Variants in DHRS7 observed in about 807,000 individuals in gnomAD.
DHRS7 encodes the protein dehydrogenase/reductase SDR family member 7.
DHRS7 carries 34 observed loss-of-function variants against 38.9 expected under a neutral mutation model. The observed-to-expected ratio is 0.87, with a 90% CI of 0.66 to 1.16. The LOEUF is 1.16. DHRS7 is among the 50% of genes most tolerant of loss of function. DHRS7 has a pLI of 0.00. For missense variants in DHRS7, 421 were observed against 407.0 expected (o/e 1.03, Z -0.30); for synonymous variants, 158 against 153.1 (o/e 1.03, Z -0.24).
rs551875403 is a variant in DHRS7, at chr14:60,149,262, C to T, written c.972+91G>A. On this transcript the variant is annotated intron_variant, in intron 6 of 6. Coordinates refer to ENST00000557185, the MANE Select transcript of DHRS7 (RefSeq NM_016029.4). ...GGGATTACAGACATGAGCCACTGCA[C>T]CCAGCCAGAAAGTTTTTTAAACACT... 5.5e-6 allele frequency: 7 copies of T among 1,277,154 alleles called. No individual in the cohort carries two copies. The South Asian group carries it at 8.6e-5, about 16-fold the overall frequency. The allele number at this position is 1,277,154 out of a possible 1,614,324, so 79.1% of individuals were successfully genotyped here. A position where few individuals can be genotyped will look rare whatever the true frequency, so the allele number is the denominator to read the frequency against.
rs1896599286 is a variant in DHRS7 at position 60,153,811 on chromosome 14, C to T, written c.393+148G>A. 6.7e-6 allele frequency: 4 copies of T among 599,190 alleles called. No homozygotes were observed. Among genetic ancestry groups the T allele is most frequent in the Non-Finnish European group, 1.2e-5 (4 of 335,524 alleles). The allele number at this position is 599,190 out of a possible 1,614,324, so 37.1% of individuals were successfully genotyped here. A position where few individuals can be genotyped will look rare whatever the true frequency, so the allele number is the denominator to read the frequency against. ...AGTACTAATTCCATAATGACAAAGG[C>T]TCAGAGATTAAGGGGCCCAACTCAT... On this transcript the variant is annotated intron_variant, in intron 3 of 6. Transcript: ENST00000557185. The surrounding 1 kb of genome is among the most constrained non-coding windows in gnomAD (Gnocchi z 4.4).
At position 60,153,190 on chromosome 14, in the gene DHRS7, A is replaced by G. The variant is rs779337723; in HGVS notation, c.394-12T>C. 11 of 1,613,734 alleles carry G rather than the reference A, an allele frequency of 6.8e-6. No individual in the cohort carries two copies. Among genetic ancestry groups the G allele is most frequent in the Admixed American group, 3.3e-5 (2 of 59,922 alleles). ...ACCAGAATGTCGATCTAGTTAAATA[A>G]AATCAGAAAAGGGGTGTTTGGGGGA... On this transcript the variant is annotated splice_polypyrimidine_tract_variant and intron_variant, in intron 3 of 6. Transcript: ENST00000557185. This position sits in a 1 kb window ranked among gnomAD's most constrained non-coding sequence, Gnocchi z 4.4.
rs1896600519 is a variant in DHRS7 at position 60,153,834 on chromosome 14, C to G, written c.393+125G>C. 2 of 706,104 alleles carry G rather than the reference C, an allele frequency of 2.8e-6. No homozygotes were observed. Among genetic ancestry groups the G allele is most frequent in the South Asian group, 1.7e-5 (1 of 57,668 alleles). 43.7% of individuals were successfully genotyped at this position (706,104 alleles called of 1,614,324 possible). A position where few individuals can be genotyped will look rare whatever the true frequency, so the allele number is the denominator to read the frequency against. On this transcript the variant is annotated intron_variant, in intron 3 of 6. Coordinates refer to ENST00000557185, the MANE Select transcript of DHRS7 (RefSeq NM_016029.4). The surrounding 1 kb of genome is among the most constrained non-coding windows in gnomAD (Gnocchi z 4.4). ...GGCTCAGAGATTAAGGGGCCCAACT[C>G]ATGGGCCCGATCTCACTGCATGGAC...
chr14:60,156,230 G>A (rs1896658555), intron 1 of DHRS7, 78 bp from the exon 2 acceptor site: 4 of 1,260,162 alleles, frequency 3.2e-6, no homozygotes, highest in South Asian at 4.3e-5. Flanking sequence ...AAAAAAAAAA[G>A]AAAGCCTTAA....
chr14:60,144,468 C>T lies in DHRS7; in HGVS notation c.*498G>A, dbSNP rs1896347572. On this transcript the variant is annotated 3_prime_UTR_variant, in exon 7 of 7. Coordinates refer to ENST00000557185, the MANE Select transcript of DHRS7 (RefSeq NM_016029.4). ...TTTGAAAGCATTTTGCTCCTCTTTC[C>T]CTTCTGTCCCTTCCACCATGTGAGG... 6.5e-6 allele frequency: 1 copy of T among 153,822 alleles called. No homozygotes were observed. 9.5% of individuals were successfully genotyped at this position (153,822 alleles called of 1,614,324 possible).
Position 60,150,087 on chromosome 14 carries a change from G to A in DHRS7, c.734C>T (p.Ser245Phe), listed in dbSNP as rs765613116. Residue 245 changes from serine (S) to phenylalanine (F), a missense_variant, in exon 5 of 7, where the codon TCC (serine) becomes TTC (phenylalanine). Transcript: ENST00000557185. ...GPVQSNIVENSLAGEVTKTIG... is the reference protein window; with the variant it reads ...GPVQSNIVENFLAGEVTKTIG... Reference sequence around the variant, plus strand: ...TACCTTTGTGACTTCTCCAGCTAGGGAATTCTCCACAATATTTGATTGCAC... The same window carrying A: ...TACCTTTGTGACTTCTCCAGCTAGGAAATTCTCCACAATATTTGATTGCAC... 1 of 1,593,674 alleles carries A rather than the reference G, an allele frequency of 6.3e-7. No homozygotes were observed.
At chr14:60,154,237 A>G (rs1262280015) in intron 2 of DHRS7, among the ~76,000 whole-genome samples, 172 bp from the exon 3 acceptor site, 1 of 151,956 alleles carries the variant, frequency 6.6e-6, no homozygotes, top group Non-Finnish European at 1.5e-5. Flanking sequence ...ATATCAGACA[A>G]AAAGCTGGCT....
At chr14:60,166,332 C>T (rs1317574681), upstream of DHRS7, 1 of 951,910 alleles carries the variant, frequency 1.1e-6, no homozygotes, top group Non-Finnish European at 1.3e-6. Context: ...ATGAGAACGA[C>T]CTGTGGCCAA....
intron 1 of DHRS7, among the ~76,000 whole-genome samples, chr14:60,163,551 A>G (rs1317202791): frequency 6.6e-6 from 1 of 152,238 alleles, no homozygotes; most frequent in Admixed American, 6.5e-5. Context: ...AATGATAACA[A>G]TGTAATTAAA....
chr14:60,166,637 C>G (rs1285754572), upstream of DHRS7, among the ~76,000 whole-genome samples: 6 of 136,416 alleles, frequency 4.4e-5, no homozygotes, highest in African/African-American at 2.0e-4. Flanking sequence ...AAACCCCCTA[C>G]CTGCCTCCCC....
At chr14:60,168,287 C>T (rs920725907), upstream of DHRS7, among the ~76,000 whole-genome samples, 2 of 152,146 alleles carry the variant, frequency 1.3e-5, no homozygotes, top group South Asian at 4.1e-4. Context: ...CAGTTTATAG[C>T]TCTCATTCTC....
intron 6 of DHRS7, chr14:60,147,692 TATC>T (rs1241497576): frequency 1.3e-5 from 2 of 152,236 alleles, no homozygotes; most frequent in Non-Finnish European, 2.9e-5. Context: ...TGGGCACTAT[TATC>T]ATCATTAATC....
upstream of DHRS7, among the ~76,000 whole-genome samples, chr14:60,167,500 C>CAGGCCCATTCATGGCAGCTA (rs566587115): frequency 0.021 from 3,153 of 152,086 alleles, 61 homozygotes; most frequent in South Asian, 0.044. Flanking sequence ...GGTCTGGGGT[C>CAGGCCCATTCATGGCAGCTA]AGGCCCATTC....
intron 2 of DHRS7, among the ~76,000 whole-genome samples, chr14:60,155,381 G>A (rs1455921501): frequency 4.6e-5 from 7 of 152,066 alleles, no homozygotes; most frequent in African/African-American, 1.2e-4. Flanking sequence ...CCTGTGAGGC[G>A]GAAGTTGCAA....
At chr14:60,158,431 C>G (rs548922165) in intron 1 of DHRS7, among the ~76,000 whole-genome samples, 1 of 152,122 alleles carries the variant, frequency 6.6e-6, no homozygotes, top group South Asian at 2.1e-4. Flanking sequence ...ACTTGTTGTT[C>G]CCAAGTTCTG....
In DHRS7 at chr14:60,153,913, G is replaced by T; in HGVS notation, c.393+46C>A. ...AGCACCACGGATGGGAATCTCTTCT[G>T]CAGTTACTTCAAAGCAAGACTATAT... is the stretch of plus-strand genomic sequence containing the variant. On this transcript the variant is annotated intron_variant, in intron 3 of 6. Transcript: ENST00000557185. The surrounding 1 kb of genome is among the most constrained non-coding windows in gnomAD (Gnocchi z 4.4). 6.5e-7 allele frequency: 1 copy of T among 1,534,078 alleles called. No individual in the cohort carries two copies. Among genetic ancestry groups the T allele is most frequent in the Non-Finnish European group, 9.0e-7 (1 of 1,107,994 alleles).
intron 1 of DHRS7, among the ~76,000 whole-genome samples, chr14:60,157,240 G>A (rs1395332003): frequency 1.3e-5 from 2 of 152,172 alleles, no homozygotes; most frequent in African/African-American, 4.8e-5. Context: ...AATGCTCCCA[G>A]GTGAGAACTT....
upstream of DHRS7, chr14:60,165,407 C>CA (rs1896852549): frequency 1.4e-6 from 2 of 1,466,514 alleles, no homozygotes; most frequent in South Asian, 2.7e-5. This position sits in a 1 kb window ranked among gnomAD's most constrained non-coding sequence, Gnocchi z 4.6. Context: ...TCGGCCAGCC[C>CA]AGAGCCGCAC....
Position 60,160,029 on chromosome 14 carries a change from CA to C in DHRS7, c.134-3878del, listed in dbSNP as rs560201398. On this transcript the variant is annotated intron_variant, in intron 1 of 6. Transcript: ENST00000557185. ...ATCTGGGAAGATAATTTTTTGTTGT[CA>C]AAAACTTCTTTTTGGCCAGGTACAG... Among the ~76,000 whole-genome samples the C allele has an allele frequency of 2.7e-3, 405 of 152,176 alleles. 2 individuals are homozygous for C. Among genetic ancestry groups the C allele is most frequent in the African/African-American group, 9.3e-3 (387 of 41,544 alleles).
Sources: allele counts gnomAD v4.1 joint callset (sites outside exome capture counted in the v4.1 genomes callset), GRCh38; gene constraint gnomAD v4.1.1; non-coding constraint Gnocchi (gnomAD v3.1); transcripts MANE v1.5; gene names NCBI Gene and HGNC (gene_info 2026-07-23, HGNC 2026-07-21).